The following CSMD3 variants were observed in gnomAD, a reference collection of about 807,000 sequenced individuals.
The protein encoded by CSMD3 is CUB and Sushi multiple domains 3, also known as CUB and sushi domain-containing protein 3.
CSMD3 carries 177 observed loss-of-function variants against 435.2 expected under a neutral mutation model. That is an observed-to-expected ratio of 0.41 (90% confidence interval 0.36 to 0.46). The LOEUF (loss-of-function observed/expected upper bound fraction) is 0.46, where lower values mean the gene tolerates loss of function less well. Ranked by LOEUF, CSMD3 falls within the 20% of genes least tolerant of loss-of-function variation. The pLI is 0.34. For synonymous variants in CSMD3, 1,656 were observed against 1,520.5 expected (o/e 1.09, Z -2.07); for missense variants, 4,265 against 4,504.6 (o/e 0.95, Z 1.52).
At chr8:113,100,902 T>C (rs562707894) in intron 4 of CSMD3, among the ~76,000 whole-genome samples, 18 of 152,240 alleles carry the variant, frequency 1.2e-4, no homozygotes, top group Admixed American at 2.0e-4. Flanking sequence ...TTGTGGCAGA[T>C]GGAGCAGAGG....
chr8:112,970,395 CAAAAAAAAAA>C (rs11284034), intron 7 of CSMD3, among the ~76,000 whole-genome samples: 20 of 82,198 alleles, frequency 2.4e-4, no homozygotes, highest in Non-Finnish European at 4.6e-4. Context: ...GACTCCCTCT[CAAAAAAAAAA>C]AAAAAAAAAA....
chr8:112,332,268 G>A (rs1324398377), intron 45 of CSMD3, among the ~76,000 whole-genome samples: 1 of 151,704 alleles, frequency 6.6e-6, no homozygotes, highest in African/African-American at 2.4e-5. Context: ...TCATAGAAGT[G>A]ATGGCAGTGA....
At chr8:112,719,025 C>T (rs1463677849) in intron 13 of CSMD3, among the ~76,000 whole-genome samples, 1 of 152,120 alleles carries the variant, frequency 6.6e-6, no homozygotes, top group Non-Finnish European at 1.5e-5. Context: ...TTATTGAAGA[C>T]ATTATTCTGA....
intron 35 of CSMD3, among the ~76,000 whole-genome samples, chr8:112,402,262 A>G (rs1311593177): frequency 6.6e-6 from 1 of 152,188 alleles, no homozygotes; most frequent in Non-Finnish European, 1.5e-5. Context: ...GAAGACATTC[A>G]CCCACGACTC....
At chr8:113,356,294 C>A (rs902013189) in intron 1 of CSMD3, among the ~76,000 whole-genome samples, 1 of 152,020 alleles carries the variant, frequency 6.6e-6, no homozygotes, top group Non-Finnish European at 1.5e-5. Flanking sequence ...CATAAAATGA[C>A]CACAGAGGAG....
chr8:113,008,854 T>C (rs1216107414), intron 6 of CSMD3, among the ~76,000 whole-genome samples: 1 of 151,348 alleles, frequency 6.6e-6, no homozygotes, highest in Non-Finnish European at 1.5e-5. Flanking sequence ...TAATTATAAG[T>C]TTTCTTCTAG....
intron 38 of CSMD3, among the ~76,000 whole-genome samples, chr8:112,379,988 G>C (rs1829320602): frequency 6.6e-6 from 1 of 152,158 alleles, no homozygotes. Flanking sequence ...GGGAAATGAA[G>C]AGCTGTGGTT....
At chr8:112,307,924 A>T (rs114202236) in intron 50 of CSMD3, among the ~76,000 whole-genome samples, 312 of 152,258 alleles carry the variant, frequency 2.0e-3, no homozygotes, top group African/African-American at 7.2e-3. Context: ...CTCTTATAAA[A>T]TCTACCATTT....
chr8:113,111,962 G>C (rs1588093840), intron 4 of CSMD3, among the ~76,000 whole-genome samples: 1 of 151,960 alleles, frequency 6.6e-6, no homozygotes, highest in African/African-American at 2.4e-5. Flanking sequence ...ATTACAGGCA[G>C]GAGCCACTGC....
At chr8:112,583,498 A>G (rs1199964296) in intron 23 of CSMD3, among the ~76,000 whole-genome samples, 3 of 151,986 alleles carry the variant, frequency 2.0e-5, no homozygotes, top group Non-Finnish European at 4.4e-5. Context: ...AATATAGTTC[A>G]TATATCTTTT....
chr8:112,247,090 A>C lies in CSMD3; in HGVS notation c.10152T>G (p.Leu3384=). The C allele has an allele frequency of 6.2e-7, 1 of 1,613,820 alleles. No individual in the cohort carries two copies. The highest frequency in any genetic ancestry group is 8.5e-7 in the Non-Finnish European group (1 of 1,179,866). Residue 3384 remains leucine, a synonymous_variant, in exon 64 of 71, where the codon CTT becomes CTG. Transcript: ENST00000297405. The stretch of plus-strand genomic sequence containing the variant: ...AGGTGCGTGTTGTAGACCCTTGGAG[A>C]AGGTGTCCTTTTTTGCAATGGAACT... The part of the protein sequence containing the change: ...VVQFHCKKGH[L]LQGSTTRTCL...
At chr8:112,334,020 T>C (rs1456385654) in intron 45 of CSMD3, among the ~76,000 whole-genome samples, 1 of 152,208 alleles carries the variant, frequency 6.6e-6, no homozygotes, top group Non-Finnish European at 1.5e-5. Context: ...ACTGCCAGCA[T>C]TAATGATCAA....
chr8:113,434,699 A>G (rs1277767062), intron 1 of CSMD3, among the ~76,000 whole-genome samples: 1 of 152,212 alleles, frequency 6.6e-6, no homozygotes, highest in African/African-American at 2.4e-5. Context: ...CTTCCTTCTC[A>G]ATATCTCCAA....
At chr8:112,621,401 T>C in intron 22 of CSMD3, among the ~76,000 whole-genome samples, 1 of 152,208 alleles carries the variant, frequency 6.6e-6, no homozygotes, top group Non-Finnish European at 1.5e-5. Context: ...TTAATTCAAC[T>C]TTCCCCTCCA....
chr8:113,291,629 C>G (rs541274778), intron 2 of CSMD3, among the ~76,000 whole-genome samples: 1 of 151,882 alleles, frequency 6.6e-6, no homozygotes, highest in East Asian at 1.9e-4. Flanking sequence ...AGACAAGAAA[C>G]CACCATTGTC....
chr8:113,131,791 C>T (rs2091289909), intron 4 of CSMD3, among the ~76,000 whole-genome samples: 1 of 152,178 alleles, frequency 6.6e-6, no homozygotes, highest in African/African-American at 2.4e-5. Flanking sequence ...CACTCAATGC[C>T]AGCCCATGAA....
At chr8:113,384,484 G>C (rs2133119618) in intron 1 of CSMD3, among the ~76,000 whole-genome samples, 1 of 152,268 alleles carries the variant, frequency 6.6e-6, no homozygotes, top group East Asian at 1.9e-4. Flanking sequence ...GTGAAACACT[G>C]AGGTGTCAGA....
intron 22 of CSMD3, among the ~76,000 whole-genome samples, chr8:112,611,525 TTAAAA>T (rs1833259573): frequency 6.6e-6 from 1 of 152,138 alleles, no homozygotes; most frequent in South Asian, 2.1e-4. Context: ...TCTAAAAATT[TTAAAA>T]TAAATAATGA....
chr8:113,252,331 G>A (rs1245144608), intron 3 of CSMD3, among the ~76,000 whole-genome samples: 1 of 152,024 alleles, frequency 6.6e-6, no homozygotes, highest in Non-Finnish European at 1.5e-5. Context: ...TATAACAAAT[G>A]ATGATCCACA....
Sources: allele counts gnomAD v4.1 joint callset (sites outside exome capture counted in the v4.1 genomes callset), GRCh38; gene constraint gnomAD v4.1.1; transcripts MANE v1.5; gene names NCBI Gene and HGNC (gene_info 2026-07-23, HGNC 2026-07-21).